The following MAGI2 variants were observed in gnomAD, a reference collection of about 807,000 sequenced individuals.
The protein encoded by MAGI2 is membrane-associated guanylate kinase, WW and PDZ domain-containing protein 2.
MAGI2 carries 35 observed loss-of-function variants against 133.3 expected under a neutral mutation model. The observed-to-expected ratio is 0.26, with a 90% CI of 0.20 to 0.35. The LOEUF (loss-of-function observed/expected upper bound fraction) is 0.35. MAGI2 is among the 10% of genes least tolerant of loss of function. The pLI is 1.00. For missense variants in MAGI2, 1,636 were observed against 1,863.4 expected (o/e 0.88, Z 2.25); for synonymous variants, 729 against 710.6 (o/e 1.03, Z -0.41).
intron 1 of MAGI2, among the ~76,000 whole-genome samples, chr7:79,364,746 G>C (rs751708138): frequency 2.0e-5 from 3 of 151,852 alleles, no homozygotes; most frequent in Non-Finnish European, 2.9e-5. Flanking sequence ...AAACTGATGT[G>C]AACTTTATAC....
At chr7:79,077,993 A>G (rs1815690093) in intron 1 of MAGI2, among the ~76,000 whole-genome samples, 1 of 152,204 alleles carries the variant, frequency 6.6e-6, no homozygotes, top group African/African-American at 2.4e-5. Context: ...GAAGCTTTGA[A>G]TTATACAGAA....
chr7:79,248,633 TA>T (rs58719516), intron 1 of MAGI2, among the ~76,000 whole-genome samples: 2 of 152,054 alleles, frequency 1.3e-5, no homozygotes, highest in Admixed American at 6.6e-5. Flanking sequence ...AAACAAGACT[TA>T]AAAAACTCAA....
chr7:78,812,617 C>CAT (rs1165358699), intron 2 of MAGI2, among the ~76,000 whole-genome samples: 48 of 130,760 alleles, frequency 3.7e-4, no homozygotes, highest in Admixed American at 6.1e-4. Flanking sequence ...TGTGTGTGTA[C>CAT]ATATATATAT....
At chr7:79,196,110 C>T (rs1181810551) in intron 1 of MAGI2, among the ~76,000 whole-genome samples, 2 of 151,760 alleles carry the variant, frequency 1.3e-5, no homozygotes. Flanking sequence ...AAAATGATAG[C>T]TATGTGAGGT....
chr7:78,172,072 G>A (rs1826164990), intron 14 of MAGI2, among the ~76,000 whole-genome samples: 1 of 152,086 alleles, frequency 6.6e-6, no homozygotes, highest in Admixed American at 6.6e-5. Context: ...CGCTGTGAGG[G>A]CACAGAACAA....
At chr7:79,051,895 ACTCT>A (rs892858526) in intron 1 of MAGI2, among the ~76,000 whole-genome samples, 1 of 150,608 alleles carries the variant, frequency 6.6e-6, no homozygotes, top group African/African-American at 2.4e-5. Flanking sequence ...TTGGAGCCTC[ACTCT>A]CTCTCTCTTT....
intron 2 of MAGI2, among the ~76,000 whole-genome samples, chr7:78,870,368 A>T (rs1399803161): frequency 6.6e-6 from 1 of 151,930 alleles, no homozygotes; most frequent in Non-Finnish European, 1.5e-5. Flanking sequence ...AAAAAAAAAA[A>T]AAAATAGTAG....
At chr7:78,671,225 C>T (rs1416965370) in intron 2 of MAGI2, among the ~76,000 whole-genome samples, 1 of 151,726 alleles carries the variant, frequency 6.6e-6, no homozygotes, top group Admixed American at 6.6e-5. Context: ...CCAGGCCAAG[C>T]CTTGCTGCTT....
At chr7:78,396,523 A>T (rs951887812) in intron 6 of MAGI2, among the ~76,000 whole-genome samples, 3 of 152,158 alleles carry the variant, frequency 2.0e-5, no homozygotes, top group African/African-American at 7.2e-5. Context: ...CACATATCAC[A>T]TGCTTACCTT....
intron 2 of MAGI2, among the ~76,000 whole-genome samples, chr7:78,689,766 C>T (rs1432941108): frequency 1.6e-5 from 2 of 122,512 alleles, no homozygotes; most frequent in African/African-American, 6.2e-5. Flanking sequence ...TAATTCATTC[C>T]CTTTTATTAA....
At chr7:79,231,065 C>G (rs947155954) in intron 1 of MAGI2, among the ~76,000 whole-genome samples, 1 of 134,550 alleles carries the variant, frequency 7.4e-6, no homozygotes, top group Non-Finnish European at 1.6e-5. Context: ...TTCCCCATTG[C>G]TTGTTTTTCT....
At chr7:78,258,930 T>C (rs1340018520) in intron 9 of MAGI2, among the ~76,000 whole-genome samples, 1 of 152,200 alleles carries the variant, frequency 6.6e-6, no homozygotes, top group Non-Finnish European at 1.5e-5. Flanking sequence ...ATGTGCATCT[T>C]CAACTTTGTT....
At chr7:78,604,250 C>T (rs1805547580) in intron 3 of MAGI2, among the ~76,000 whole-genome samples, 1 of 152,012 alleles carries the variant, frequency 6.6e-6, no homozygotes, top group African/African-American at 2.4e-5. Context: ...GGTAGGATGG[C>T]CCTGAGATGG....
chr7:78,894,908 A>G (rs1193074725), intron 2 of MAGI2, among the ~76,000 whole-genome samples: 3 of 152,194 alleles, frequency 2.0e-5, no homozygotes, highest in Non-Finnish European at 4.4e-5. Flanking sequence ...AATATCTAAA[A>G]CTTTGAAACA....
intron 5 of MAGI2, among the ~76,000 whole-genome samples, chr7:78,496,942 G>A (rs977558068): frequency 4.6e-5 from 7 of 152,136 alleles, no homozygotes; most frequent in African/African-American, 1.4e-4. Flanking sequence ...CCCTGGCTAT[G>A]TCTGACTTTT....
intron 21 of MAGI2, among the ~76,000 whole-genome samples, chr7:78,036,689 T>A (rs1038337960): frequency 2.0e-5 from 3 of 152,060 alleles, no homozygotes; most frequent in Non-Finnish European, 4.4e-5. Context: ...TGATCATAGC[T>A]CACTGCAGCC....
intron 9 of MAGI2, among the ~76,000 whole-genome samples, chr7:78,303,096 G>A (rs994229436): frequency 3.9e-5 from 6 of 152,044 alleles, no homozygotes; most frequent in African/African-American, 7.2e-5. Context: ...AGCTCCCCAC[G>A]GCCAGACACG....
intron 2 of MAGI2, among the ~76,000 whole-genome samples, chr7:78,860,755 A>G (rs1242898029): frequency 6.6e-6 from 1 of 152,146 alleles, no homozygotes; most frequent in Non-Finnish European, 1.5e-5. Context: ...TGGGAGAACC[A>G]CTACTCTCTT....
intron 1 of MAGI2, among the ~76,000 whole-genome samples, chr7:79,082,990 G>T (rs1816175813): frequency 6.6e-6 from 1 of 151,224 alleles, no homozygotes; most frequent in African/African-American, 2.4e-5. Flanking sequence ...ATTGTTCATT[G>T]ATTATATATA....
Sources: allele counts gnomAD v4.1 joint callset (sites outside exome capture counted in the v4.1 genomes callset), GRCh38; gene constraint gnomAD v4.1.1; transcripts MANE v1.5; gene names NCBI Gene and HGNC (gene_info 2026-07-23, HGNC 2026-07-21).